Variants in CASP9 observed in about 807,000 individuals in gnomAD.
CASP9 encodes the protein caspase-9.
In CASP9, 29 loss-of-function variants were observed where a neutral mutation model predicts 43.5. That is an observed-to-expected ratio of 0.67 (90% CI 0.50 to 0.91). The LOEUF (loss-of-function observed/expected upper bound fraction) is 0.91. CASP9 is among the 40% of genes least tolerant of loss of function. The probability of loss-of-function intolerance (pLI) is 0.00; values close to 1 mark genes in which losing one functional copy is unlikely to be tolerated. For missense variants in CASP9, 575 were observed against 537.4 expected (o/e 1.07, Z -0.69); for synonymous variants, 206 against 211.9 (o/e 0.97, Z 0.24).
intron 1 of CASP9, among the ~76,000 whole-genome samples, chr1:15,522,413 T>C (rs1261739711): frequency 1.3e-5 from 2 of 152,224 alleles, no homozygotes; most frequent in African/African-American, 4.8e-5. Context: ...ATTTTCAGCT[T>C]CTTTTTTAAG....
chr1:15,494,862 CAAAAAAAAAA>C (rs563954013), intron 7 of CASP9, among the ~76,000 whole-genome samples: 11 of 44,272 alleles, frequency 2.5e-4, no homozygotes, highest in African/African-American at 6.5e-4. Context: ...GATTCCATCT[CAAAAAAAAAA>C]AAAAAAAAAA....
chr1:15,507,228 G>A (rs1446101116), intron 3 of CASP9, 153 bp from the exon 4 acceptor site: 1 of 732,096 alleles, frequency 1.4e-6, no homozygotes, highest in Non-Finnish European at 2.2e-6. Context: ...AGCAACTGCA[G>A]GGAAGACTAG....
chr1:15,505,389 C>G (rs1216039105), intron 5 of CASP9, among the ~76,000 whole-genome samples: 2 of 152,172 alleles, frequency 1.3e-5, no homozygotes, highest in East Asian at 3.9e-4. Context: ...CTCGTCAGGC[C>G]AGACCTTTGC....
chr1:15,505,062 G>T (rs944429494), intron 5 of CASP9, among the ~76,000 whole-genome samples: 2 of 152,156 alleles, frequency 1.3e-5, no homozygotes, highest in East Asian at 3.9e-4. Flanking sequence ...CATCAATATC[G>T]CTTGGGAACT....
At position 15,506,883 on chromosome 1, in the gene CASP9, CAGAT is replaced by C; in HGVS notation, c.630+12_630+15del. On this transcript the variant is annotated intron_variant, in intron 4 of 8. Coordinates refer to ENST00000333868, the MANE Select transcript of CASP9 (RefSeq NM_001229.5). ...CTGCCCCCCACCCTGTCTCCCTCCA[CAGAT>C]AGTGAGTGTACCTTGGCAGTCAGGT... 1 of 1,599,542 alleles carries C rather than the reference CAGAT, an allele frequency of 6.3e-7. No homozygotes were observed. Among genetic ancestry groups the C allele is most frequent in the Non-Finnish European group, 8.6e-7 (1 of 1,167,852 alleles).
chr1:15,522,929 A>T (rs938857391), intron 1 of CASP9, among the ~76,000 whole-genome samples: 8 of 152,200 alleles, frequency 5.3e-5, no homozygotes, highest in African/African-American at 1.9e-4. Flanking sequence ...AAGGCACAAA[A>T]CTTATTTTAT....
At chr1:15,498,206 T>C (rs1469943414) in intron 6 of CASP9, among the ~76,000 whole-genome samples, 1 of 152,074 alleles carries the variant, frequency 6.6e-6, no homozygotes, top group Non-Finnish European at 1.5e-5. Context: ...CCTCAGCCTC[T>C]CAAGTAGCTG....
Position 15,492,747 on chromosome 1 carries a change from C to T in CASP9, c.*196G>A. On this transcript the variant is annotated 3_prime_UTR_variant, in exon 9 of 9. Coordinates refer to ENST00000333868, the MANE Select transcript of CASP9 (RefSeq NM_001229.5). ...TGCAATCCACGGCATTCATCTGTCC[C>T]TCTTCCTCCACTGTTCAGCACTTGT... 1 of 707,696 alleles carries T rather than the reference C, an allele frequency of 1.4e-6. No homozygotes were observed. Among genetic ancestry groups the T allele is most frequent in the Non-Finnish European group, 2.3e-6 (1 of 434,826 alleles). 43.8% of individuals were successfully genotyped at this position (707,696 alleles called of 1,614,324 possible). A position where few individuals can be genotyped will look rare whatever the true frequency, so the allele number is the denominator to read the frequency against.
chr1:15,497,375 T>A (rs1411830421), intron 6 of CASP9, among the ~76,000 whole-genome samples: 1 of 150,840 alleles, frequency 6.6e-6, no homozygotes. Flanking sequence ...CCAGGCACAG[T>A]GGCTCACGCC....
Position 15,508,618 on chromosome 1 carries a change from T to C in CASP9, c.419-711A>G, listed in dbSNP as rs370834992. 3.3e-5 allele frequency among the ~76,000 whole-genome samples: 5 copies of C among 152,270 alleles called. No homozygotes were observed. The East Asian group carries it at 5.8e-4, about 18-fold the overall frequency. ...TTAGTAGAGACGGGGTTTCACCATG[T>C]TGGCCAGGCTAGTCTCAAACTCTTG... On this transcript the variant is annotated intron_variant, in intron 2 of 8. Coordinates refer to ENST00000333868, the MANE Select transcript of CASP9 (RefSeq NM_001229.5).
intron 1 of CASP9, among the ~76,000 whole-genome samples, chr1:15,519,172 G>A (rs934086996): frequency 6.6e-6 from 1 of 151,618 alleles, no homozygotes; most frequent in African/African-American, 2.4e-5. Context: ...ACCGTGGCCA[G>A]CCATCGGTTG....
chr1:15,513,271 T>C (rs1289728821), intron 2 of CASP9, among the ~76,000 whole-genome samples: 1 of 152,090 alleles, frequency 6.6e-6, no homozygotes, highest in African/African-American at 2.4e-5. Flanking sequence ...TTCTAGGTGT[T>C]GGGGATGCAG....
At position 15,504,710 on chromosome 1, in the gene CASP9, G is replaced by C. The variant is rs1709453509; in HGVS notation, c.769C>G (p.Pro257Ala). 2 of 1,614,004 alleles carry C rather than the reference G, an allele frequency of 1.2e-6. No individual in the cohort carries two copies. Among genetic ancestry groups the C allele is most frequent in the South Asian group, 2.2e-5 (2 of 91,086 alleles). Residue 257 changes from proline to alanine, a missense_variant, in exon 6 of 9, where the codon CCT (proline) becomes GCT (alanine). Coordinates refer to ENST00000333868, the MANE Select transcript of CASP9 (RefSeq NM_001229.5). ...TTCACAATCTTCTCGACCGACACAG[G>C]GCATCCATCTGTGCCGTAGACAGCC... The part of the protein sequence containing the change: ...PGAVYGTDGC[P>A]VSVEKIVNIF...
chr1:15,524,297 G>A, upstream of CASP9: 5 of 1,445,494 alleles, frequency 3.5e-6, no homozygotes, highest in Non-Finnish European at 3.6e-6. Flanking sequence ...CCCAGGGCCT[G>A]CCCCCGCGTC....
chr1:15,502,190 A>G (rs1392132207), intron 6 of CASP9, among the ~76,000 whole-genome samples: 2 of 152,142 alleles, frequency 1.3e-5, no homozygotes, highest in African/African-American at 4.8e-5. Context: ...GCCCATCTCA[A>G]TACAATGAGA....
In CASP9 at chr1:15,492,942, C is replaced by CT. The variant is rs1457531256; in HGVS notation, c.1251dup. On this transcript the variant is annotated 3_prime_UTR_variant, in exon 9 of 9. Coordinates refer to ENST00000333868, the MANE Select transcript of CASP9 (RefSeq NM_001229.5). ...ATAAGGCAGGGTGAGGGGCCCTGGC[C>CT]TTATGATGTTTTAAAGAAAAGTTTT... 1.9e-6 allele frequency: 3 copies of CT among 1,613,642 alleles called. No individual in the cohort carries two copies. Among genetic ancestry groups the CT allele is most frequent in the Non-Finnish European group, 2.5e-6 (3 of 1,180,022 alleles).
intron 2 of CASP9, among the ~76,000 whole-genome samples, chr1:15,510,802 G>A (rs916011689): frequency 6.6e-6 from 1 of 152,098 alleles, no homozygotes; most frequent in African/African-American, 2.4e-5. Flanking sequence ...CCACTCCCAT[G>A]GGGACAATAA....
At chr1:15,523,838 G>A (rs1557558793) in intron 1 of CASP9, among the ~76,000 whole-genome samples, 1 of 152,202 alleles carries the variant, frequency 6.6e-6, no homozygotes, top group East Asian at 1.9e-4. Context: ...AAGTTCTCAA[G>A]ATGTGTCTCA....
At chr1:15,515,802 T>C (rs990436224) in intron 2 of CASP9, among the ~76,000 whole-genome samples, 3 of 152,194 alleles carry the variant, frequency 2.0e-5, no homozygotes, top group African/African-American at 7.2e-5. Flanking sequence ...ACACCTGTAA[T>C]TCCAGCACTT....
Sources: allele counts gnomAD v4.1 joint callset (sites outside exome capture counted in the v4.1 genomes callset), GRCh38; gene constraint gnomAD v4.1.1; transcripts MANE v1.5; gene names NCBI Gene and HGNC (gene_info 2026-07-23, HGNC 2026-07-21).